DACH1: variants seen among roughly 807,000 people sequenced by gnomAD.
DACH1 encodes the protein dachshund homolog 1.
A neutral mutation model predicts 54.2 loss-of-function variants in DACH1; 12 were observed. The observed-to-expected ratio is 0.22, with a 90% CI of 0.14 to 0.36. The LOEUF (loss-of-function observed/expected upper bound fraction) is 0.36, where lower values mean the gene tolerates loss of function less well. DACH1 is among the 10% of genes least tolerant of loss of function. The probability of loss-of-function intolerance (pLI) is 1.00; values close to 1 mark genes in which losing one functional copy is unlikely to be tolerated. For synonymous variants in DACH1, 386 were observed against 366.2 expected (o/e 1.05, Z -0.62); for missense variants, 805 against 929.8 (o/e 0.87, Z 1.75).
intron 1 of DACH1, among the ~76,000 whole-genome samples, chr13:71,748,213 G>T (rs369139237): frequency 5.3e-5 from 8 of 152,024 alleles, no homozygotes; most frequent in South Asian, 2.1e-4. Context: ...AATGTTGAGG[G>T]GGGGAAAGCA....
chr13:71,471,488 C>T (rs750474357), intron 10 of DACH1, among the ~76,000 whole-genome samples: 12 of 151,884 alleles, frequency 7.9e-5, no homozygotes, highest in Non-Finnish European at 1.3e-4. Context: ...GGGCCAGGAG[C>T]GGTGGCTCAC....
chr13:71,839,481 C>A (rs1888933570), intron 1 of DACH1, among the ~76,000 whole-genome samples: 1 of 152,012 alleles, frequency 6.6e-6, no homozygotes, highest in Non-Finnish European at 1.5e-5. Flanking sequence ...GTGGCGGGCG[C>A]CTGTAGTCCC....
At chr13:71,477,208 C>T (rs1235783472) in intron 8 of DACH1, among the ~76,000 whole-genome samples, 2 of 147,350 alleles carry the variant, frequency 1.4e-5, no homozygotes, top group Non-Finnish European at 3.0e-5. Flanking sequence ...GAAAGCTCTG[C>T]CTCCCAGGTT....
chr13:71,627,402 C>T (rs1057030615), intron 3 of DACH1, among the ~76,000 whole-genome samples: 1 of 146,654 alleles, frequency 6.8e-6, no homozygotes, highest in African/African-American at 2.5e-5. Context: ...CAGGAGAAAA[C>T]AAGAGCCTTG....
In DACH1 at chr13:71,683,328, A is replaced by C. The variant is rs1244618320; in HGVS notation, c.849-1418T>G. 2.6e-5 allele frequency among the ~76,000 whole-genome samples: 4 copies of C among 152,174 alleles called. No individual in the cohort carries two copies. In the East Asian group the frequency reaches 5.8e-4, roughly 22 times the overall value. ...GGATGGATGATGATACTACCATGTCATAGGAAGGAAGAAGGCAGCGGGAAC... is the reference window on the plus strand; with the variant it reads ...GGATGGATGATGATACTACCATGTCCTAGGAAGGAAGAAGGCAGCGGGAAC... On this transcript the variant is annotated intron_variant, in intron 1 of 10. Coordinates refer to ENST00000613252, the MANE Select transcript of DACH1 (RefSeq NM_080759.6).
intron 3 of DACH1, among the ~76,000 whole-genome samples, chr13:71,610,330 A>G (rs1333402036): frequency 6.6e-6 from 1 of 152,236 alleles, no homozygotes; most frequent in Non-Finnish European, 1.5e-5. Context: ...ACAGAATTCT[A>G]CTGTCATACA....
intron 3 of DACH1, among the ~76,000 whole-genome samples, chr13:71,626,545 A>C (rs1242310190): frequency 6.6e-6 from 1 of 151,974 alleles, no homozygotes. Context: ...TCTGGCCTGT[A>C]TGTTGTGGAT....
chr13:71,729,659 C>T (rs943685257), intron 1 of DACH1, among the ~76,000 whole-genome samples: 3 of 152,040 alleles, frequency 2.0e-5, no homozygotes, highest in Non-Finnish European at 4.4e-5. Flanking sequence ...CAGAATGAAA[C>T]TTGTTTAGAA....
intron 6 of DACH1, among the ~76,000 whole-genome samples, chr13:71,497,534 G>A (rs1447503080): frequency 6.6e-6 from 1 of 152,020 alleles, no homozygotes; most frequent in Admixed American, 6.6e-5. Flanking sequence ...GTTTCTCCAT[G>A]TTGGTCATGC....
At chr13:71,450,944 A>G (rs1053136940) in intron 10 of DACH1, among the ~76,000 whole-genome samples, 9 of 152,104 alleles carry the variant, frequency 5.9e-5, no homozygotes, top group African/African-American at 1.9e-4. Context: ...TGGGGTCGAA[A>G]TCTGCATCCT....
At chr13:71,551,429 T>C (rs2138357883) in intron 6 of DACH1, among the ~76,000 whole-genome samples, 1 of 152,278 alleles carries the variant, frequency 6.6e-6, no homozygotes, top group East Asian at 1.9e-4. Flanking sequence ...TAACTGTGTA[T>C]TTGGACCCAT....
chr13:71,722,028 T>C (rs1348908719), intron 1 of DACH1, among the ~76,000 whole-genome samples: 2 of 152,140 alleles, frequency 1.3e-5, no homozygotes, highest in Middle Eastern at 6.3e-3. Context: ...TTTACTCCAG[T>C]ATATGAATCA....
rs562108882 is a variant in DACH1 at position 71,709,268 on chromosome 13, G to A, written c.849-27358C>T. On this transcript the variant is annotated intron_variant, in intron 1 of 10. Coordinates refer to ENST00000613252, the MANE Select transcript of DACH1 (RefSeq NM_080759.6). ...AATTTTCCCTTGATTAATAAAATGC[G>A]TTATATATACAGTAGTCCCCTATTA... Among the ~76,000 whole-genome samples, 32 of 151,876 alleles carry A rather than the reference G, an allele frequency of 2.1e-4. No individual in the cohort carries two copies. In the South Asian group the frequency reaches 4.2e-3, roughly 20 times the overall value.
chr13:71,645,357 A>C (rs960715848), intron 2 of DACH1, among the ~76,000 whole-genome samples: 8 of 152,200 alleles, frequency 5.3e-5, no homozygotes, highest in African/African-American at 1.9e-4. Context: ...TAAGTGAATG[A>C]CAAGTTGCAT....
intron 6 of DACH1, among the ~76,000 whole-genome samples, chr13:71,529,863 A>C (rs1160205024): frequency 6.6e-6 from 1 of 152,228 alleles, no homozygotes; most frequent in African/African-American, 2.4e-5. Context: ...TTTGGGAAAT[A>C]GTATTTTTAG....
chr13:71,657,800 G>T (rs1166431016), intron 2 of DACH1, among the ~76,000 whole-genome samples: 2 of 151,438 alleles, frequency 1.3e-5, no homozygotes. Context: ...TTTCAGAGAT[G>T]GGGTCTCACT....
At position 71,630,568 on chromosome 13, in the gene DACH1, T is replaced by A; in HGVS notation, c.1114A>T (p.Asn372Tyr). ...ACATAAAACTTACCGACACTTGAAT[T>A]CATGTCCCCGTTTTCAGAGTCTGCT... ...HGADSENGDM[N>Y]SSVGLELPFM... Residue 372 changes from asparagine to tyrosine, a missense_variant, in exon 3 of 11, where the codon AAT becomes TAT. Transcript: ENST00000613252. 1 of 1,589,952 alleles carries A rather than the reference T, an allele frequency of 6.3e-7. No homozygotes were observed. Among genetic ancestry groups the A allele is most frequent in the Non-Finnish European group, 8.5e-7 (1 of 1,173,036 alleles).
At chr13:71,701,613 AG>A (rs2138751425) in intron 1 of DACH1, among the ~76,000 whole-genome samples, 1 of 152,308 alleles carries the variant, frequency 6.6e-6, no homozygotes, top group East Asian at 1.9e-4. Context: ...GGAAGTAACT[AG>A]GGTTTGGAGA....
Position 71,800,736 on chromosome 13 carries a change from T to C in DACH1, c.848+65186A>G, listed in dbSNP as rs1234442132. On this transcript the variant is annotated intron_variant, in intron 1 of 10. Transcript: ENST00000613252. ...TAAAATGTAAGCCTGTTTTCTAGGA[T>C]GAAATTGCTTTATCCAAACATCTAC... is the stretch of plus-strand genomic sequence containing the variant. Among the ~76,000 whole-genome samples, 4 of 152,268 alleles carry C rather than the reference T, an allele frequency of 2.6e-5. No homozygotes were observed. In the East Asian group the frequency reaches 5.8e-4, roughly 22 times the overall value.
Sources: gnomAD v4.1 joint callset for allele counts (sites outside exome capture counted in the v4.1 genomes callset) on GRCh38, gnomAD v4.1.1 for gene constraint, MANE v1.5 for transcripts, NCBI Gene and HGNC (gene_info 2026-07-23, HGNC 2026-07-21) for gene names.